The following NKD2 variants were observed in gnomAD, a reference collection of about 807,000 sequenced individuals.
NKD2 encodes protein naked cuticle homolog 2.
In NKD2, 43 loss-of-function variants were observed where a neutral mutation model predicts 34.8. That is an observed-to-expected ratio of 1.24 (90% CI 0.97 to 1.60). The LOEUF (loss-of-function observed/expected upper bound fraction) is 1.60. Among genes scored for constraint, NKD2 ranks in the 40% most tolerant of loss-of-function variants. NKD2 has a pLI of 0.00. For synonymous variants in NKD2, 278 were observed against 265.1 expected, an observed-to-expected ratio of 1.05 and a Z score of -0.47; for missense variants, 675 against 627.1, an observed-to-expected ratio of 1.08 and a Z score of -0.82.
At chr5:1,022,117 C>A (rs1298026816) in intron 3 of NKD2, among the ~76,000 whole-genome samples, 1 of 146,638 alleles carries the variant, frequency 6.8e-6, no homozygotes, top group African/African-American at 2.5e-5. Context: ...ACCTTGCTGG[C>A]CCCTGTCCAC....
intron 3 of NKD2, among the ~76,000 whole-genome samples, chr5:1,019,907 C>T (rs553798563): frequency 1.4e-3 from 218 of 152,224 alleles, no homozygotes; most frequent in African/African-American, 4.6e-3. Flanking sequence ...GAAGTGGATT[C>T]GGGTCTGCTT....
intron 3 of NKD2, among the ~76,000 whole-genome samples, chr5:1,018,426 A>G (rs1286319466): frequency 6.6e-6 from 1 of 152,216 alleles, no homozygotes; most frequent in Admixed American, 6.5e-5. Flanking sequence ...AAAGCGATTT[A>G]GGTTTTCTGT....
intron 3 of NKD2, among the ~76,000 whole-genome samples, chr5:1,028,210 G>A (rs899048891): frequency 1.3e-5 from 2 of 152,158 alleles, no homozygotes; most frequent in Non-Finnish European, 2.9e-5. Context: ...CCTCACTGTC[G>A]TGGCGGGGAC....
At position 1,038,482 on chromosome 5, in the gene NKD2, C is replaced by T. The variant is rs1274055448; in HGVS notation, c.*109C>T. Reference sequence around the variant, plus strand: ...CCCATGGGGAGCCCAGCCCCCACCCCCCACCTCCGACAGCAAACAGCAACT... The same window carrying T: ...CCCATGGGGAGCCCAGCCCCCACCCTCCACCTCCGACAGCAAACAGCAACT... On this transcript the variant is annotated 3_prime_UTR_variant, in exon 10 of 10. Transcript: ENST00000296849. The surrounding 1 kb of genome is among the most constrained non-coding windows in gnomAD (Gnocchi z 4.5). The T allele has an allele frequency of 3.2e-5, 49 of 1,531,048 alleles. No homozygotes were observed. Among genetic ancestry groups the T allele is most frequent in the Non-Finnish European group, 4.2e-5 (48 of 1,142,776 alleles). The allele number at this position is 1,531,048 out of a possible 1,614,324, so 94.8% of individuals were successfully genotyped here.
intron 3 of NKD2, among the ~76,000 whole-genome samples, chr5:1,011,699 T>C (rs1019151924): frequency 1.3e-5 from 2 of 152,140 alleles, no homozygotes; most frequent in African/African-American, 4.8e-5. Context: ...CTACCCTCTC[T>C]CCCCAGCCCC....
chr5:1,022,307 A>G (rs1579256943), intron 3 of NKD2, among the ~76,000 whole-genome samples: 1 of 77,184 alleles, frequency 1.3e-5, no homozygotes, highest in South Asian at 6.4e-4. Context: ...TGGGTGTCCC[A>G]GCCCTTTGTC....
intron 3 of NKD2, among the ~76,000 whole-genome samples, chr5:1,016,481 AAT>A (rs1755956608): frequency 6.6e-6 from 1 of 152,174 alleles, no homozygotes; most frequent in South Asian, 2.1e-4. Context: ...GGAAATCGTA[AAT>A]AGTTTTGCGC....
At chr5:1,025,668 GT>G (rs1336448880) in intron 3 of NKD2, among the ~76,000 whole-genome samples, 3 of 11,800 alleles carry the variant, frequency 2.5e-4, no homozygotes. Context: ...CTCTGTGGGT[GT>G]CTCAGCCCAT....
At chr5:1,035,249 AGT>A in intron 7 of NKD2, 138 bp from the exon 8 acceptor site, 1 of 711,836 alleles carries the variant, frequency 1.4e-6, no homozygotes, top group Middle Eastern at 2.8e-4. Context: ...TGAGTGAACA[AGT>A]GAGTGAGTTA....
intron 3 of NKD2, among the ~76,000 whole-genome samples, chr5:1,028,021 AC>A (rs1756491767): frequency 6.6e-6 from 1 of 152,158 alleles, no homozygotes; most frequent in Non-Finnish European, 1.5e-5. Context: ...CGTGGGGAAC[AC>A]ACTCCTTTTG....
intron 3 of NKD2, among the ~76,000 whole-genome samples, chr5:1,013,520 C>G (rs1755835850): frequency 6.6e-6 from 1 of 152,340 alleles, no homozygotes; most frequent in East Asian, 1.9e-4. Context: ...GTCGAGGTCA[C>G]CTCTGGGCAT....
chr5:1,031,964 G>A (rs1328636729), intron 3 of NKD2, among the ~76,000 whole-genome samples, 188 bp from the exon 4 acceptor site: 3 of 152,208 alleles, frequency 2.0e-5, no homozygotes, highest in Non-Finnish European at 4.4e-5. Flanking sequence ...ATGTCTGTGT[G>A]TTTTGCTTCC....
chr5:1,034,746 C>G lies in NKD2; in HGVS notation c.427-10C>G. The G allele has an allele frequency of 6.2e-7, 1 of 1,605,644 alleles. No individual in the cohort carries two copies. ...TCTGCTCTGTCAGTGAAACTGATGC[C>G]GGGCCCCAGGACATGTCCAGCCTCA... On this transcript the variant is annotated splice_polypyrimidine_tract_variant and intron_variant, in intron 6 of 9. Coordinates refer to ENST00000296849, the MANE Select transcript of NKD2 (RefSeq NM_033120.4).
rs973352004 is a variant in NKD2, at chr5:1,038,379, C to T, written c.*6C>T. Reference sequence around the variant, plus strand: ...ACCACTTCCACCCGTCCTAGCGCCACTGCCAAGCACACCTCGCTCCCAGCA... The same window carrying T: ...ACCACTTCCACCCGTCCTAGCGCCATTGCCAAGCACACCTCGCTCCCAGCA... On this transcript the variant is annotated 3_prime_UTR_variant, in exon 10 of 10. Coordinates refer to ENST00000296849, the MANE Select transcript of NKD2 (RefSeq NM_033120.4). This position sits in a 1 kb window ranked among gnomAD's most constrained non-coding sequence, Gnocchi z 4.5. 5 of 1,535,806 alleles carry T rather than the reference C, an allele frequency of 3.3e-6. No homozygotes were observed. The highest frequency in any genetic ancestry group is 4.4e-6 in the Non-Finnish European group (5 of 1,146,876).
At chr5:1,013,101 C>T (rs1755820665) in intron 3 of NKD2, among the ~76,000 whole-genome samples, 1 of 152,174 alleles carries the variant, frequency 6.6e-6, no homozygotes, top group Non-Finnish European at 1.5e-5. Flanking sequence ...TGTGGGTGCC[C>T]AGTCCACCCA....
In NKD2 at chr5:1,038,208, G is replaced by T; in HGVS notation, c.1191G>T (p.Lys397Asn). The T allele has an allele frequency of 6.3e-7, 1 of 1,591,230 alleles. No homozygotes were observed. The highest frequency in any genetic ancestry group is 8.5e-7 in the Non-Finnish European group (1 of 1,171,192). ...QKGREGHSPLKAPHAQPATVE... is the reference protein window; with the variant it reads ...QKGREGHSPLNAPHAQPATVE... Reference sequence around the variant, plus strand: ...GCAGGGAGGGCCACTCGCCACTCAAGGCCCCACACGCTCAGCCTGCCACAG... The same window carrying T: ...GCAGGGAGGGCCACTCGCCACTCAATGCCCCACACGCTCAGCCTGCCACAG... Residue 397 changes from lysine (K) to asparagine (N), a missense_variant, in exon 10 of 10, where the codon AAG becomes AAT. Coordinates refer to ENST00000296849, the MANE Select transcript of NKD2 (RefSeq NM_033120.4). This position sits in a 1 kb window ranked among gnomAD's most constrained non-coding sequence, Gnocchi z 4.5.
rs3840989 is a variant in NKD2, at chr5:1,038,331, G to GCACCACCACCAC, written c.1330_1341dup (p.His444_His447dup). On this transcript the variant is annotated inframe_insertion, in exon 10 of 10. Transcript: ENST00000296849. This position sits in a 1 kb window ranked among gnomAD's most constrained non-coding sequence, Gnocchi z 4.5. ...GGCACGAGCACCACCACCACCACGA[G>GCACCACCACCAC]CACCACCACCACCACCACCACCACC... 1 of 1,478,360 alleles carries GCACCACCACCAC rather than the reference G, an allele frequency of 6.8e-7. No homozygotes were observed. Among genetic ancestry groups the GCACCACCACCAC allele is most frequent in the Non-Finnish European group, 9.0e-7 (1 of 1,107,268 alleles). The allele number at this position is 1,478,360 out of a possible 1,614,324, so 91.6% of individuals were successfully genotyped here.
chr5:1,021,976 C>T (rs868484160), intron 3 of NKD2, among the ~76,000 whole-genome samples: 58 of 152,314 alleles, frequency 3.8e-4, no homozygotes, highest in African/African-American at 1.3e-3. Context: ...GCGACCAACC[C>T]CTGGCCTCCT....
chr5:1,018,255 A>G (rs1579251684), intron 3 of NKD2, among the ~76,000 whole-genome samples: 2 of 152,276 alleles, frequency 1.3e-5, no homozygotes, highest in Admixed American at 1.3e-4. Flanking sequence ...CCACAGCTGC[A>G]GACCTGCCGG....
Sources: gnomAD v4.1 joint callset for allele counts (sites outside exome capture counted in the v4.1 genomes callset) on GRCh38, gnomAD v4.1.1 for gene constraint, Gnocchi (gnomAD v3.1) non-coding constraint, MANE v1.5 for transcripts, NCBI Gene and HGNC (gene_info 2026-07-23, HGNC 2026-07-21) for gene names.